Variants in MPP1 observed in about 807,000 individuals in gnomAD.
MPP1 encodes the protein 55 kDa erythrocyte membrane protein.
Under a neutral mutation model 38.2 loss-of-function variants are expected in MPP1, and 6 were observed. That is an observed-to-expected ratio of 0.16 (90% confidence interval 0.09 to 0.31). MPP1 has a LOEUF of 0.31. Ranked by LOEUF, MPP1 falls within the 10% of genes least tolerant of loss-of-function variation. MPP1 has a pLI of 1.00. For synonymous variants in MPP1, 153 were observed against 146.3 expected (o/e 1.05, Z -0.33); for missense variants, 293 against 368.9 (o/e 0.79, Z 1.69).
rs782060821 is a variant in MPP1, at chrX:154,804,973, G to A, written c.102+299C>T. On this transcript the variant is annotated intron_variant, in intron 1 of 11. Coordinates refer to ENST00000369534, the MANE Select transcript of MPP1 (RefSeq NM_002436.4). ...TTCCTTAAAGACTTTCTGTTACTCT[G>A]ACTTCCGTCCACGAGGAAGTTTTCC... 9.7e-4 allele frequency: 391 copies of A among 404,764 alleles called. 1 individual carries two copies. The highest frequency in any genetic ancestry group is 8.2e-4 in the Non-Finnish European group (182 of 223,173). 33.4% of individuals were successfully genotyped at this position (404,764 alleles called of 1,213,427 possible). A position where few individuals can be genotyped will look rare whatever the true frequency, so the allele number is the denominator to read the frequency against.
rs2072005763 is a variant in MPP1, at chrX:154,781,708, C to T, written c.1041G>A (p.Glu347=). 8.3e-7 allele frequency: 1 copy of T among 1,211,674 alleles called. No homozygotes were observed. The highest frequency in any genetic ancestry group is 1.1e-6 in the Non-Finnish European group (1 of 895,296). The change falls in exon 10 of 12, where the codon GAG becomes GAA. Residue 347 remains glutamate (E), a synonymous_variant. Transcript: ENST00000369534. ...EEMTRNISAN[E]FLEFGSYQGN... ...CTTGGTAGCTGCCAAACTCCAAGAA[C>T]TCATTGGCAGAGATGTTCCTCGTCA...
At chrX:154,801,476 A>G (rs2072260315) in intron 1 of MPP1, among the ~76,000 whole-genome samples, 1 of 110,988 alleles carries the variant, frequency 9.0e-6, no homozygotes, top group Admixed American at 9.6e-5. Context: ...AAGTCATGAA[A>G]GGCCCAGGGC....
At chrX:154,786,433 A>C in intron 5 of MPP1, 33 bp from the exon 6 acceptor site, 1 of 1,163,072 alleles carries the variant, frequency 8.6e-7, no homozygotes, top group Non-Finnish European at 1.2e-6. Flanking sequence ...TGCAGGCGGC[A>C]GCTTCAAAAG....
At chrX:154,786,129 A>G in intron 6 of MPP1, 75 bp downstream of exon 6, 4 of 1,018,822 alleles carry the variant, frequency 3.9e-6, no homozygotes, top group Non-Finnish European at 5.4e-6. Flanking sequence ...AACTACAAAC[A>G]AAATGACAGA....
chrX:154,801,424 C>T (rs782032137), intron 1 of MPP1, among the ~76,000 whole-genome samples: 39 of 110,696 alleles, frequency 3.5e-4, no homozygotes, highest in Non-Finnish European at 1.5e-4. Context: ...AAAGCAGATT[C>T]TTATCTGCAA....
intron 10 of MPP1, 58 bp downstream of exon 10, chrX:154,781,542 C>G (rs1266375445): frequency 3.5e-6 from 4 of 1,139,510 alleles, no homozygotes; most frequent in African/African-American, 3.6e-5. Context: ...GGAGCACTGT[C>G]TTCGCCATCC....
chrX:154,785,637 G>A (rs1245319486), intron 6 of MPP1, among the ~76,000 whole-genome samples: 1 of 112,413 alleles, frequency 8.9e-6, no homozygotes, highest in Non-Finnish European at 1.9e-5. Flanking sequence ...CACAATGGTT[G>A]TAATCTTTAC....
At chrX:154,781,377 A>G (rs2071996585) in intron 10 of MPP1, 64 bp from the exon 11 acceptor site, 1 of 955,732 alleles carries the variant, frequency 1.0e-6, no homozygotes, top group Non-Finnish European at 1.5e-6. Context: ...GTGAAAAAAA[A>G]AAACCTACAT....
chrX:154,782,797 A>G (rs1229314763), intron 9 of MPP1: 5 of 112,446 alleles, frequency 4.4e-5, no homozygotes, highest in Non-Finnish European at 9.4e-5. Context: ...GGTTCTTGTT[A>G]TATGTCATTT....
chrX:154,797,294 C>T (rs2072207993), intron 1 of MPP1, among the ~76,000 whole-genome samples: 1 of 111,730 alleles, frequency 9.0e-6, no homozygotes, highest in Non-Finnish European at 1.9e-5. Flanking sequence ...CGAGTGCTTT[C>T]ACTCACTTGG....
intron 1 of MPP1, among the ~76,000 whole-genome samples, chrX:154,798,837 C>T (rs986869135): frequency 1.2e-4 from 13 of 111,610 alleles, no homozygotes; most frequent in East Asian, 8.4e-4. Flanking sequence ...TGGATTCAAG[C>T]GATTCTCCTG....
Position 154,784,891 on chromosome X carries a change from G to A in MPP1, c.784+160C>T, listed in dbSNP as rs1296004341. 3 of 533,093 alleles carry A rather than the reference G, an allele frequency of 5.6e-6. No individual in the cohort carries two copies. In the African/African-American group the frequency reaches 6.9e-5, roughly 12 times the overall value. The allele number at this position is 533,093 out of a possible 1,213,427, so 43.9% of individuals were successfully genotyped here. ...GGCCTGACTGCAGCAAGCTTGTGAAGATGGATTCAATAAAAAGAAACCAGA... is the reference window on the plus strand; with the variant it reads ...GGCCTGACTGCAGCAAGCTTGTGAAAATGGATTCAATAAAAAGAAACCAGA... On this transcript the variant is annotated intron_variant, in intron 7 of 11. Coordinates refer to ENST00000369534, the MANE Select transcript of MPP1 (RefSeq NM_002436.4).
intron 1 of MPP1, among the ~76,000 whole-genome samples, chrX:154,795,665 T>C (rs1557268096): frequency 9.0e-6 from 1 of 111,393 alleles, no homozygotes; most frequent in African/African-American, 3.3e-5. Flanking sequence ...CTCGGGAAGC[T>C]GAGGCAGAAG....
chrX:154,794,761 A>G (rs990545768), intron 1 of MPP1, among the ~76,000 whole-genome samples: 2 of 112,455 alleles, frequency 1.8e-5, no homozygotes, highest in Admixed American at 1.9e-4. Flanking sequence ...AGAGGCTTAC[A>G]TCATTTCTAA....
In MPP1 at chrX:154,781,699, C is replaced by T. The variant is rs782334052; in HGVS notation, c.1050G>A (p.Glu350=). 3.3e-6 allele frequency: 4 copies of T among 1,211,710 alleles called. No individual in the cohort carries two copies. The highest frequency in any genetic ancestry group is 2.2e-6 in the Non-Finnish European group (2 of 895,391). Residue 350 remains glutamate, a synonymous_variant, in exon 10 of 12, where the codon GAG becomes GAA. Coordinates refer to ENST00000369534, the MANE Select transcript of MPP1 (RefSeq NM_002436.4). ...TRNISANEFL[E]FGSYQGNMFG... ...ACATGTTGCCTTGGTAGCTGCCAAA[C>T]TCCAAGAACTCATTGGCAGAGATGT...
chrX:154,783,806 C>T (rs2072037152), intron 8 of MPP1: 7 of 436,545 alleles, frequency 1.6e-5, no homozygotes, highest in Non-Finnish European at 2.0e-5. Context: ...AAAAATAATT[C>T]GTTGCTAAAT....
chrX:154,785,841 T>C (rs2072065748), intron 6 of MPP1, among the ~76,000 whole-genome samples: 1 of 112,555 alleles, frequency 8.9e-6, no homozygotes. Flanking sequence ...GCGACTGTTT[T>C]CTGCAGGACT....
At position 154,779,351 on chromosome X, in the gene MPP1, T is replaced by C; in HGVS notation, c.1227A>G (p.Thr409=). 1 of 1,205,735 alleles carries C rather than the reference T, an allele frequency of 8.3e-7. No individual in the cohort carries two copies. Among genetic ancestry groups the C allele is most frequent in the Non-Finnish European group, 1.1e-6 (1 of 893,101 alleles). The change falls in exon 12 of 12, where the codon ACA becomes ACG. Residue 409 remains threonine (T), a splice_region_variant and synonymous_variant. Coordinates refer to ENST00000369534, the MANE Select transcript of MPP1 (RefSeq NM_002436.4). ...FIAPTDQGTQ[T]EALQQLQKDS... ...CCTTCTGCAGCTGCTGCAGGGCTTC[T>C]GTCTGCAAAGAAGAAAGCCACAGAT...
In MPP1 at chrX:154,778,991, C is replaced by T; in HGVS notation, c.*186G>A. On this transcript the variant is annotated 3_prime_UTR_variant, in exon 12 of 12. Coordinates refer to ENST00000369534, the MANE Select transcript of MPP1 (RefSeq NM_002436.4). ...TCCAGATCAGTGGGGCCCCATCTAT[C>T]AGGAGAATCAACCCTTCAGGAGCCT... is the stretch of plus-strand genomic sequence containing the variant. 1 of 443,362 alleles carries T rather than the reference C, an allele frequency of 2.3e-6. No homozygotes were observed. The highest frequency in any genetic ancestry group is 4.8e-5 in the Admixed American group (1 of 20,928). 36.5% of individuals were successfully genotyped at this position (443,362 alleles called of 1,213,427 possible).
Sources: allele counts gnomAD v4.1 joint callset (sites outside exome capture counted in the v4.1 genomes callset), GRCh38; gene constraint gnomAD v4.1.1; transcripts MANE v1.5; gene names NCBI Gene and HGNC (gene_info 2026-07-23, HGNC 2026-07-21).